The following TTL variants were observed in gnomAD, a reference collection of about 807,000 sequenced individuals.
TTL encodes tubulin--tyrosine ligase.
In TTL, 10 loss-of-function variants were observed where a neutral mutation model predicts 41.1. The observed-to-expected ratio is 0.24, with a 90% CI of 0.15 to 0.41. TTL has a LOEUF of 0.41. TTL is among the 10% of genes least tolerant of loss of function. The pLI, the probability that TTL is intolerant of heterozygous loss-of-function variation, is 1.00. For synonymous variants in TTL, 175 were observed against 175.5 expected (o/e 1.00, Z 0.02); for missense variants, 367 against 460.4 (o/e 0.80, Z 1.86).
At chr2:112,485,845 G>A (rs901251978) in intron 1 of TTL, 72 bp from the exon 2 acceptor site, 1 of 1,322,280 alleles carries the variant, frequency 7.6e-7, no homozygotes, top group Non-Finnish European at 1.0e-6. Flanking sequence ...GAAAAGCTGG[G>A]CATGACACAG....
chr2:112,487,048 G>T (rs117831258), intron 2 of TTL, among the ~76,000 whole-genome samples: 2 of 152,102 alleles, frequency 1.3e-5, no homozygotes, highest in Non-Finnish European at 2.9e-5. Flanking sequence ...ACACTGGGTC[G>T]GGCCACTAAA....
At chr2:112,503,805 C>T (rs868409783) in intron 5 of TTL, among the ~76,000 whole-genome samples, 43 of 102,514 alleles carry the variant, frequency 4.2e-4, no homozygotes, top group African/African-American at 6.4e-4. Flanking sequence ...CCGTAAACTT[C>T]TTTTTTTTTT....
Position 112,482,869 on chromosome 2 carries a change from C to T in TTL, c.157+368C>T, listed in dbSNP as rs564512805. ...CGGGTCCGCCGCGCTGGGCGCGGCT[C>T]CGCAGAGCGGGCGGCTGGAGTCATC... On this transcript the variant is annotated intron_variant, in intron 1 of 6. Coordinates refer to ENST00000233336, the MANE Select transcript of TTL (RefSeq NM_153712.5). The surrounding 1 kb of genome is among the most constrained non-coding windows in gnomAD (Gnocchi z 5.3). Among the ~76,000 whole-genome samples, 86 of 152,296 alleles carry T rather than the reference C, an allele frequency of 5.6e-4. No homozygotes were observed. Among genetic ancestry groups the T allele is most frequent in the African/African-American group, 2.0e-3 (85 of 41,584 alleles).
chr2:112,500,873 G>A (rs1199283302), intron 3 of TTL, among the ~76,000 whole-genome samples: 6 of 149,228 alleles, frequency 4.0e-5, no homozygotes, highest in Admixed American at 1.3e-4. Context: ...TGTTGTTATA[G>A]TCTTTATTGT....
intron 2 of TTL, among the ~76,000 whole-genome samples, chr2:112,487,135 A>G (rs1336669292): frequency 6.6e-6 from 1 of 152,224 alleles, no homozygotes; most frequent in Non-Finnish European, 1.5e-5. Context: ...GTACTGGAAG[A>G]TATGACTCAA....
chr2:112,532,382 CTAAAG>C lies in TTL; in HGVS notation c.*3596_*3600del, dbSNP rs1157105438. Reference sequence around the variant, plus strand: ...ATGAATATTTAAAATGCCTGGAACACTAAAGTAAAGTAATGATATTTCAAGTGTTT... The same window carrying C: ...ATGAATATTTAAAATGCCTGGAACACTAAAGTAATGATATTTCAAGTGTTT... On this transcript the variant is annotated 3_prime_UTR_variant, in exon 7 of 7. Coordinates refer to ENST00000233336, the MANE Select transcript of TTL (RefSeq NM_153712.5). The C allele has an allele frequency of 6.2e-5, 14 of 226,152 alleles. No homozygotes were observed. In the Admixed American group the frequency reaches 6.3e-4, roughly 10 times the overall value. The allele number at this position is 226,152 out of a possible 1,614,324, so 14.0% of individuals were successfully genotyped here.
chr2:112,484,181 T>C (rs1018060524), intron 1 of TTL, among the ~76,000 whole-genome samples: 6 of 151,370 alleles, frequency 4.0e-5, no homozygotes, highest in African/African-American at 1.5e-4. Context: ...CCTGAACAGA[T>C]ACCACAAATT....
Position 112,528,937 on chromosome 2 carries a change from G to A in TTL, c.*142G>A. 1 of 678,614 alleles carries A rather than the reference G, an allele frequency of 1.5e-6. No homozygotes were observed. Among genetic ancestry groups the A allele is most frequent in the Non-Finnish European group, 2.6e-6 (1 of 382,290 alleles). The allele number at this position is 678,614 out of a possible 1,614,324, so 42.0% of individuals were successfully genotyped here. The stretch of plus-strand genomic sequence containing the variant: ...AGATGAGATGGAAGAAGGCACGTGA[G>A]CAGAGGAGGCAGCTCCCAAAGAGAG... On this transcript the variant is annotated 3_prime_UTR_variant, in exon 7 of 7. Coordinates refer to ENST00000233336, the MANE Select transcript of TTL (RefSeq NM_153712.5).
At chr2:112,485,858 G>A in intron 1 of TTL, 59 bp from the exon 2 acceptor site, 3 of 1,415,808 alleles carry the variant, frequency 2.1e-6, no homozygotes, top group Non-Finnish European at 2.9e-6. Context: ...TGACACAGCT[G>A]TCCTCTCTCC....
Position 112,530,153 on chromosome 2 carries a change from A to G in TTL, c.*1358A>G, listed in dbSNP as rs181218635. ...CATGCCTATGTGTGCTCCATTCCTC[A>G]TTTCTACTTGGCTCAAGAAAACATT... On this transcript the variant is annotated 3_prime_UTR_variant, in exon 7 of 7. Transcript: ENST00000233336. 2.7e-3 allele frequency: 613 copies of G among 228,774 alleles called. 3 individuals are homozygous for G. The highest frequency in any genetic ancestry group is 0.013 in the African/African-American group (567 of 45,144). 14.2% of individuals were successfully genotyped at this position (228,774 alleles called of 1,614,324 possible).
At chr2:112,520,715 CAAG>C (rs1574070802) in intron 6 of TTL, 1 of 310,708 alleles carries the variant, frequency 3.2e-6, no homozygotes, top group African/African-American at 2.1e-5. Flanking sequence ...CCCAGGAGTT[CAAG>C]ACCAGCCTGG....
At position 112,529,611 on chromosome 2, in the gene TTL, C is replaced by A. The variant is rs578166015; in HGVS notation, c.*816C>A. On this transcript the variant is annotated 3_prime_UTR_variant, in exon 7 of 7. Coordinates refer to ENST00000233336, the MANE Select transcript of TTL (RefSeq NM_153712.5). ...ATTCTAAATGCAGTTTTGCCTAGTT[C>A]CCTTTTTTTTTCTTTTTTTACTTTT... 3 of 228,456 alleles carry A rather than the reference C, an allele frequency of 1.3e-5. No homozygotes were observed. The highest frequency in any genetic ancestry group is 6.6e-5 in the African/African-American group (3 of 45,120). 14.2% of individuals were successfully genotyped at this position (228,456 alleles called of 1,614,324 possible).
At chr2:112,494,409 TG>T (rs1422981307) in intron 3 of TTL, 34 bp downstream of exon 3, 1 of 1,532,474 alleles carries the variant, frequency 6.5e-7, no homozygotes. Context: ...TCTCTATTCC[TG>T]GTAAGTTGCT....
intron 5 of TTL, among the ~76,000 whole-genome samples, chr2:112,509,478 G>C (rs1231200396): frequency 1.3e-5 from 2 of 152,230 alleles, no homozygotes; most frequent in South Asian, 4.1e-4. Context: ...CTCCGTGGGC[G>C]TAGGACCCTC....
intron 2 of TTL, among the ~76,000 whole-genome samples, chr2:112,492,816 G>A (rs765256992): frequency 3.9e-5 from 6 of 151,968 alleles, no homozygotes; most frequent in East Asian, 1.9e-4. Flanking sequence ...TTTTCAACCC[G>A]GGAGGTAGAG....
chr2:112,503,096 T>C lies in TTL; in HGVS notation c.790T>C (p.Phe264Leu). 1 of 1,613,696 alleles carries C rather than the reference T, an allele frequency of 6.2e-7. No homozygotes were observed. The highest frequency in any genetic ancestry group is 8.5e-7 in the Non-Finnish European group (1 of 1,179,996). ...GTATGAAGAAGGAAATGAAATGTTC[T>C]TCAAGGAGTTCAATCAGTACCTAAC... ...GKYEEGNEMFFKEFNQYLTSA... is the reference protein window; with the variant it reads ...GKYEEGNEMFLKEFNQYLTSA... Residue 264 changes from phenylalanine to leucine, a missense_variant, in exon 5 of 7, where the codon TTC becomes CTC. Physicochemically the swap from Phe to Leu is conservative, Grantham distance 22. Coordinates refer to ENST00000233336, the MANE Select transcript of TTL (RefSeq NM_153712.5).
rs1682674867 is a variant in TTL at position 112,539,712 on chromosome 2, T to C, written c.*10917T>C. 1 of 152,196 alleles carries C rather than the reference T, an allele frequency of 6.6e-6. No homozygotes were observed. 9.4% of individuals were successfully genotyped at this position (152,196 alleles called of 1,614,324 possible). A position where few individuals can be genotyped will look rare whatever the true frequency, so the allele number is the denominator to read the frequency against. ...AAAGGAAGGAAAGAAGACTGCGCAT[T>C]CAGATTGGAAAGGGAGAAGTATGAT... On this transcript the variant is annotated 3_prime_UTR_variant, in exon 7 of 7. Transcript: ENST00000233336.
At chr2:112,497,752 A>G (rs1681575612) in intron 3 of TTL, among the ~76,000 whole-genome samples, 1 of 152,058 alleles carries the variant, frequency 6.6e-6, no homozygotes, top group African/African-American at 2.4e-5. Flanking sequence ...GGAAAGGTGG[A>G]TCATTGAATT....
chr2:112,493,860 C>T lies in TTL; in HGVS notation c.237-283C>T, dbSNP rs180922464. On this transcript the variant is annotated intron_variant, in intron 2 of 6. Coordinates refer to ENST00000233336, the MANE Select transcript of TTL (RefSeq NM_153712.5). ...AAAGATATCGGCTCAGGATTGTGTC[C>T]GGTTAAGTTTCATTAGAGATGCATT... Among the ~76,000 whole-genome samples the T allele has an allele frequency of 6.4e-4, 97 of 152,136 alleles. No homozygotes were observed. In the Middle Eastern group the frequency reaches 0.01, roughly 16 times the overall value.
Sources: gnomAD v4.1 joint callset for allele counts (sites outside exome capture counted in the v4.1 genomes callset) on GRCh38, gnomAD v4.1.1 for gene constraint, Gnocchi (gnomAD v3.1) non-coding constraint, MANE v1.5 for transcripts, NCBI Gene and HGNC (gene_info 2026-07-23, HGNC 2026-07-21) for gene names.